The following DIAPH2 variants were observed in gnomAD, a reference collection of about 807,000 sequenced individuals.
DIAPH2 encodes the protein diaphanous related formin 2.
DIAPH2 carries 35 observed loss-of-function variants against 92.7 expected under a neutral mutation model. The ratio of observed to expected loss-of-function variants is 0.38; its 90% CI spans 0.29 to 0.50. The LOEUF is 0.50. DIAPH2 is among the 20% of genes least tolerant of loss of function. DIAPH2 has a pLI of 0.94. For synonymous variants in DIAPH2, 301 were observed against 280.4 expected (o/e 1.07, Z -0.73); for missense variants, 701 against 819.5 (o/e 0.86, Z 1.77).
chrX:97,439,896 G>A (rs1166279529), intron 26 of DIAPH2, among the ~76,000 whole-genome samples: 4 of 111,505 alleles, frequency 3.6e-5, no homozygotes, highest in Non-Finnish European at 7.5e-5. Context: ...GCAGGTGGTC[G>A]AATAGGGGCA....
At chrX:97,171,105 C>T (rs1650892521) in intron 22 of DIAPH2, among the ~76,000 whole-genome samples, 1 of 111,448 alleles carries the variant, frequency 9.0e-6, no homozygotes, top group Non-Finnish European at 1.9e-5. Context: ...AACTGCTGAC[C>T]TCAGGCAATC....
intron 17 of DIAPH2, among the ~76,000 whole-genome samples, chrX:97,018,127 C>T (rs770453237): frequency 1.8e-5 from 2 of 111,774 alleles, no homozygotes; most frequent in East Asian, 2.8e-4. Flanking sequence ...GCTAAATGCC[C>T]CAAGTTTCCT....
chrX:97,352,632 G>A (rs994582110), intron 24 of DIAPH2, among the ~76,000 whole-genome samples: 6 of 108,544 alleles, frequency 5.5e-5, no homozygotes, highest in African/African-American at 2.0e-4. Flanking sequence ...CACTTTGGGA[G>A]GCCAAGGTGG....
At chrX:97,494,604 C>G (rs747591388) in intron 26 of DIAPH2, among the ~76,000 whole-genome samples, 6 of 112,190 alleles carry the variant, frequency 5.3e-5, no homozygotes, top group Non-Finnish European at 1.1e-4. Flanking sequence ...AGCCACCCTT[C>G]CCATTCTTTC....
At chrX:97,596,463 T>C (rs1289375346) in intron 26 of DIAPH2, among the ~76,000 whole-genome samples, 1 of 111,713 alleles carries the variant, frequency 9.0e-6, no homozygotes, top group Admixed American at 9.5e-5. Flanking sequence ...TATTGACTTT[T>C]TGAAGGAGAA....
At chrX:97,522,029 A>G (rs761278145) in intron 26 of DIAPH2, among the ~76,000 whole-genome samples, 100 of 112,202 alleles carry the variant, frequency 8.9e-4, no homozygotes, top group African/African-American at 3.1e-3. Flanking sequence ...TCCTAGAATC[A>G]TAGAATTTTA....
chrX:97,351,782 G>C (rs1242112757), intron 24 of DIAPH2, among the ~76,000 whole-genome samples: 3 of 110,740 alleles, frequency 2.7e-5, no homozygotes, highest in Non-Finnish European at 3.8e-5. Context: ...CAGCCTGGGC[G>C]ACAGAGAGAG....
chrX:96,909,669 C>T (rs946676367), intron 5 of DIAPH2, among the ~76,000 whole-genome samples: 2 of 111,355 alleles, frequency 1.8e-5, no homozygotes, highest in Admixed American at 9.6e-5. Flanking sequence ...TGCCCATTGG[C>T]CTAAAATATT....
At chrX:97,063,843 CTA>C (rs909615273) in intron 17 of DIAPH2, among the ~76,000 whole-genome samples, 9 of 112,158 alleles carry the variant, frequency 8.0e-5, no homozygotes, top group Non-Finnish European at 1.3e-4. Context: ...GGTTTGGAAA[CTA>C]TGGTCTGCAG....
chrX:96,822,619 T>C (rs551568350), intron 4 of DIAPH2, among the ~76,000 whole-genome samples: 2 of 111,840 alleles, frequency 1.8e-5, no homozygotes, highest in East Asian at 2.8e-4. Context: ...TTCAGAACAA[T>C]GAGTTATAAA....
At position 96,780,245 on chromosome X, in the gene DIAPH2, G is replaced by A. The variant is rs192336080; in HGVS notation, c.447+21987G>A. On this transcript the variant is annotated intron_variant, in intron 4 of 26. Coordinates refer to ENST00000324765, the MANE Select transcript of DIAPH2 (RefSeq NM_006729.5). ...TTCAAATAGTCTCATTGTTCTTTTC[G>A]ATTAACTTATAAATCAATCCCCACT... Among the ~76,000 whole-genome samples, 730 of 110,793 alleles carry A rather than the reference G, an allele frequency of 6.6e-3. 4 individuals are homozygous for A. The highest frequency in any genetic ancestry group is 0.01 in the Non-Finnish European group (548 of 52,866).
chrX:97,258,870 C>CAAAAAAAA (rs141981932), intron 23 of DIAPH2, among the ~76,000 whole-genome samples: 3 of 39,060 alleles, frequency 7.7e-5, no homozygotes, highest in African/African-American at 1.2e-4. Context: ...GACTCCGTCT[C>CAAAAAAAA]AAAAAAAAAA....
intron 22 of DIAPH2, among the ~76,000 whole-genome samples, chrX:97,163,314 G>A (rs1036656261): frequency 1.6e-4 from 18 of 110,629 alleles, no homozygotes; most frequent in Non-Finnish European, 7.6e-5. Context: ...CCCCTACCTC[G>A]CCATAGTGGG....
intron 7 of DIAPH2, among the ~76,000 whole-genome samples, chrX:96,913,914 C>A (rs754556044): frequency 2.1e-4 from 23 of 109,976 alleles, no homozygotes; most frequent in Admixed American, 5.9e-4. Flanking sequence ...CCTCTTCATA[C>A]CTATAGATAA....
chrX:96,898,806 C>T (rs1398450077), intron 5 of DIAPH2, among the ~76,000 whole-genome samples: 1 of 106,928 alleles, frequency 9.4e-6, no homozygotes, highest in East Asian at 3.0e-4. Context: ...TTGCCCATGC[C>T]TATGTCCTGA....
At chrX:97,102,004 T>C (rs2066908868) in intron 20 of DIAPH2, among the ~76,000 whole-genome samples, 1 of 112,260 alleles carries the variant, frequency 8.9e-6, no homozygotes, top group African/African-American at 3.2e-5. Context: ...TTGCCTCTGC[T>C]CACTTCTCTT....
chrX:96,983,621 C>T (rs758497728), intron 17 of DIAPH2, among the ~76,000 whole-genome samples: 6 of 110,901 alleles, frequency 5.4e-5, no homozygotes, highest in Non-Finnish European at 9.5e-5. Context: ...AAAGGCAAGT[C>T]AATAAGTTGT....
intron 4 of DIAPH2, among the ~76,000 whole-genome samples, chrX:96,818,979 C>G (rs1036745199): frequency 2.7e-5 from 3 of 112,547 alleles, no homozygotes; most frequent in African/African-American, 9.7e-5. Context: ...AGTGCACAAC[C>G]TAGATACTTT....
intron 17 of DIAPH2, among the ~76,000 whole-genome samples, chrX:96,989,517 T>A (rs921243494): frequency 5.3e-5 from 6 of 112,206 alleles, no homozygotes; most frequent in Non-Finnish European, 7.5e-5. Flanking sequence ...CTGTACTATT[T>A]TACTGTATTT....
Sources: gnomAD v4.1 joint callset for allele counts (sites outside exome capture counted in the v4.1 genomes callset) on GRCh38, gnomAD v4.1.1 for gene constraint, MANE v1.5 for transcripts, NCBI Gene and HGNC (gene_info 2026-07-23, HGNC 2026-07-21) for gene names.